Variants in NDE1 observed in about 807,000 individuals in gnomAD.
NDE1 encodes nudE neurodevelopment protein 1.
NDE1 carries 28 observed loss-of-function variants against 43.4 expected under a neutral mutation model. The ratio of observed to expected loss-of-function variants is 0.65; its 90% confidence interval spans 0.48 to 0.89. The LOEUF (loss-of-function observed/expected upper bound fraction) is 0.89. Ranked by LOEUF, NDE1 falls within the 40% of genes least tolerant of loss-of-function variation. The probability of loss-of-function intolerance (pLI) is 0.00; values close to 1 mark genes in which losing one functional copy is unlikely to be tolerated. For synonymous variants in NDE1, 184 were observed against 172.0 expected (o/e 1.07, Z -0.55); for missense variants, 441 against 434.1 (o/e 1.02, Z -0.14).
At position 15,717,202 on chromosome 16, in the gene NDE1, G is replaced by A; in HGVS notation, c.948-6989G>A. Reference sequence around the variant, plus strand: ...TCTTGGCCTCCAGCGCCGCGATGGTGGACTTGAACTTGGACTTGACGGCCC... The same window carrying A: ...TCTTGGCCTCCAGCGCCGCGATGGTAGACTTGAACTTGGACTTGACGGCCC... On this transcript the variant is annotated intron_variant, in intron 8 of 8. Transcript: ENST00000396354. 1 of 1,614,198 alleles carries A rather than the reference G, an allele frequency of 6.2e-7. No individual in the cohort carries two copies. Among genetic ancestry groups the A allele is most frequent in the Non-Finnish European group, 8.5e-7 (1 of 1,180,040 alleles).
chr16:15,689,384 T>G (rs775748095), intron 5 of NDE1, among the ~76,000 whole-genome samples: 1 of 152,038 alleles, frequency 6.6e-6, no homozygotes, highest in Non-Finnish European at 1.5e-5. Context: ...TCCAGCTACT[T>G]AGGAGGCTGA....
chr16:15,670,786 C>T (rs1465508144), intron 3 of NDE1, among the ~76,000 whole-genome samples: 1 of 152,052 alleles, frequency 6.6e-6, no homozygotes, highest in African/African-American at 2.4e-5. Flanking sequence ...GAGAGTTGAT[C>T]TGTACCCATC....
intron 4 of NDE1, among the ~76,000 whole-genome samples, chr16:15,685,939 G>C (rs1489463285): frequency 6.6e-6 from 1 of 151,410 alleles, no homozygotes; most frequent in Non-Finnish European, 1.5e-5. Flanking sequence ...CATCTGTTGT[G>C]TGCTTCCTGT....
Position 15,677,953 on chromosome 16 carries a change from T to C in NDE1, c.386+4T>C. 1 of 1,612,114 alleles carries C rather than the reference T, an allele frequency of 6.2e-7. No individual in the cohort carries two copies. The highest frequency in any genetic ancestry group is 1.7e-4 in the Middle Eastern group (1 of 6,046). Reference sequence around the variant, plus strand: ...ACGACCTGGAAAGAGCCAAGCGGTATGGGTGGAAGGGAAAAGCACGAGTGG... The same window carrying C: ...ACGACCTGGAAAGAGCCAAGCGGTACGGGTGGAAGGGAAAAGCACGAGTGG... On this transcript the variant is annotated splice_donor_region_variant and intron_variant, in intron 4 of 8. Transcript: ENST00000396354.
intron 6 of NDE1, among the ~76,000 whole-genome samples, chr16:15,693,479 A>G (rs1004281857): frequency 6.6e-6 from 1 of 152,156 alleles, no homozygotes; most frequent in Admixed American, 6.6e-5. Context: ...CTACAATTTC[A>G]AAAGGATTTG....
chr16:15,693,233 G>A (rs1362703388), intron 6 of NDE1, among the ~76,000 whole-genome samples: 4 of 152,144 alleles, frequency 2.6e-5, no homozygotes, highest in Non-Finnish European at 4.4e-5. Context: ...TTGAACTCCT[G>A]ACCTCAACTG....
Position 15,694,902 on chromosome 16 carries a change from G to C in NDE1, c.795+646G>C, listed in dbSNP as rs191071642. On this transcript the variant is annotated intron_variant, in intron 7 of 8. Coordinates refer to ENST00000396354, the MANE Select transcript of NDE1 (RefSeq NM_017668.3). ...GGAAACTGCCTTCTCTTTTGGCCGGGTGCTCATACCTGTAATCCCAGTGCT... is the reference window on the plus strand; with the variant it reads ...GGAAACTGCCTTCTCTTTTGGCCGGCTGCTCATACCTGTAATCCCAGTGCT... The C allele has an allele frequency of 2.4e-4, 234 of 985,272 alleles. 1 individual carries two copies. In the African/African-American group the frequency reaches 3.9e-3, roughly 16 times the overall value. The allele number at this position is 985,272 out of a possible 1,614,324, so 61.0% of individuals were successfully genotyped here. A position where few individuals can be genotyped will look rare whatever the true frequency, so the allele number is the denominator to read the frequency against.
Position 15,664,767 on chromosome 16 carries a change from C to A in NDE1, c.-12C>A, listed in dbSNP as rs1567624943. The stretch of plus-strand genomic sequence containing the variant: ...TGCCACAAGGAGAGTGATCTCTTCC[C>A]CTGTTTTCACAATGGAGGACTCCGG... On this transcript the variant is annotated 5_prime_UTR_variant, in exon 2 of 9. Coordinates refer to ENST00000396354, the MANE Select transcript of NDE1 (RefSeq NM_017668.3). The A allele has an allele frequency of 6.3e-7, 1 of 1,597,884 alleles. No individual in the cohort carries two copies. The highest frequency in any genetic ancestry group is 2.2e-5 in the East Asian group (1 of 44,806).
intron 4 of NDE1, 47 bp from the exon 5 acceptor site, chr16:15,687,328 A>G (rs995821289): frequency 1.9e-6 from 3 of 1,613,350 alleles, no homozygotes; most frequent in African/African-American, 2.7e-5. Flanking sequence ...TGCTGGAGGG[A>G]TGCTGCGGTT....
chr16:15,691,045 C>T (rs777005852), intron 5 of NDE1, 99 bp from the exon 6 acceptor site: 12 of 1,442,602 alleles, frequency 8.3e-6, no homozygotes, highest in South Asian at 1.2e-5. Flanking sequence ...TGACCTCAGG[C>T]GATCCACCTG....
rs1253956074 is a variant in NDE1 at position 15,668,748 on chromosome 16, CAG to C, written c.237+1312_237+1313del. ...GTGGCCAGTGAGTTTCCTTAGTGGA[CAG>C]AGGGGCTGCAGACCATTTCCTTCAT... is the stretch of plus-strand genomic sequence containing the variant. On this transcript the variant is annotated intron_variant, in intron 3 of 8. Coordinates refer to ENST00000396354, the MANE Select transcript of NDE1 (RefSeq NM_017668.3). 5.9e-5 allele frequency among the ~76,000 whole-genome samples: 9 copies of C among 152,298 alleles called. No individual in the cohort carries two copies. The East Asian group carries it at 1.7e-3, about 29-fold the overall frequency.
At chr16:15,721,226 A>AC (rs1056100956) in intron 8 of NDE1, 12 of 932,110 alleles carry the variant, frequency 1.3e-5, no homozygotes, top group East Asian at 1.0e-4. Context: ...TTATCCTCGG[A>AC]CCCCCCAACT....
rs1353911032 is a variant in NDE1, at chr16:15,719,269, G to C, written c.948-4922G>C. ...TCCTCTGCCAGTTCCTCCTTCTCGA[G>C]GTCCGCTTGTTTGCGAGCCCTCTCA... On this transcript the variant is annotated intron_variant, in intron 8 of 8. Coordinates refer to ENST00000396354, the MANE Select transcript of NDE1 (RefSeq NM_017668.3). 3.1e-6 allele frequency: 5 copies of C among 1,613,078 alleles called. No individual in the cohort carries two copies. Among genetic ancestry groups the C allele is most frequent in the Non-Finnish European group, 4.2e-6 (5 of 1,180,020 alleles).
At chr16:15,694,423 G>A in intron 7 of NDE1, 167 bp downstream of exon 7, 3 of 1,480,900 alleles carry the variant, frequency 2.0e-6, no homozygotes, top group Non-Finnish European at 2.7e-6. Context: ...ACAACTCACT[G>A]CAGCCTCAAA....
At chr16:15,662,216 C>T (rs908375811) in intron 1 of NDE1, among the ~76,000 whole-genome samples, 3 of 149,546 alleles carry the variant, frequency 2.0e-5, no homozygotes, top group African/African-American at 4.9e-5. Context: ...TGGGATTATA[C>T]GTGTGAGCCA....
At chr16:15,691,365 G>T in intron 6 of NDE1, 42 bp downstream of exon 6, 1 of 1,599,054 alleles carries the variant, frequency 6.3e-7, no homozygotes, top group Middle Eastern at 1.7e-4. Context: ...GGTTCACAAA[G>T]TGTTTCTGGG....
At position 15,726,259 on chromosome 16, in the gene NDE1, G is replaced by A. The variant is rs151237298; in HGVS notation, c.*2008G>A. The A allele has an allele frequency of 1.8e-4, 28 of 154,800 alleles. No homozygotes were observed. Among genetic ancestry groups the A allele is most frequent in the Admixed American group, 1.2e-3 (18 of 15,594 alleles). The allele number at this position is 154,800 out of a possible 1,614,324, so 9.6% of individuals were successfully genotyped here. ...TCGGCTGGAGTCCTACTGGGGCAGC[G>A]ACAGTGTCTCTTCTTCCTTGCTGTT... On this transcript the variant is annotated 3_prime_UTR_variant, in exon 9 of 9. Coordinates refer to ENST00000396354, the MANE Select transcript of NDE1 (RefSeq NM_017668.3).
rs2040686182 is a variant in NDE1, at chr16:15,725,121, T to TC, written c.*870_*871insC. On this transcript the variant is annotated 3_prime_UTR_variant, in exon 9 of 9. Transcript: ENST00000396354. The stretch of plus-strand genomic sequence containing the variant: ...ACTGATTGAGAAAATACCCGTGAGG[T>TC]ATGGGACTCTGATAAAAAAAAAAAA... 2.9e-6 allele frequency: 2 copies of TC among 697,950 alleles called. No individual in the cohort carries two copies. Among genetic ancestry groups the TC allele is most frequent in the Non-Finnish European group, 2.4e-6 (1 of 411,632 alleles). The allele number at this position is 697,950 out of a possible 1,614,324, so 43.2% of individuals were successfully genotyped here.
chr16:15,721,702 CG>C, intron 8 of NDE1: 1 of 1,531,042 alleles, frequency 6.5e-7, no homozygotes. Flanking sequence ...TTGTAAATAC[CG>C]GGGGAAGCCC....
Sources: allele counts gnomAD v4.1 joint callset (sites outside exome capture counted in the v4.1 genomes callset), GRCh38; gene constraint gnomAD v4.1.1; transcripts MANE v1.5; gene names NCBI Gene and HGNC (gene_info 2026-07-23, HGNC 2026-07-21).